Variants in TTN observed in about 807,000 individuals in gnomAD.
TTN encodes titin, also known as connectin.
Under a neutral mutation model 3,223.0 loss-of-function variants are expected in TTN, and 1,525 were observed. The observed-to-expected ratio is 0.47, with a 90% confidence interval of 0.45 to 0.49. The LOEUF (loss-of-function observed/expected upper bound fraction) is 0.49. Ranked by LOEUF, TTN falls within the 20% of genes least tolerant of loss-of-function variation. The probability of loss-of-function intolerance (pLI) is 0.00; values close to 1 mark genes in which losing one functional copy is unlikely to be tolerated. For missense variants in TTN, 40,786 were observed against 43,424.0 expected (o/e 0.94, Z 5.40); for synonymous variants, 14,094 against 15,161.0 (o/e 0.93, Z 5.17).
At chr2:178,618,120 G>A (rs2057681828) in intron 252 of TTN, 39 bp from the exon 253 acceptor site, 47 of 1,610,378 alleles carry the variant, frequency 2.9e-5, no homozygotes, top group Non-Finnish European at 3.8e-5. Flanking sequence ...TGAGTTTGGG[G>A]TAACGATGAT....
chr2:178,722,569 T>C (rs1385050371), intron 76 of TTN, 23 bp from the exon 77 acceptor site: 1 of 1,601,366 alleles, frequency 6.2e-7, no homozygotes, highest in Non-Finnish European at 8.5e-7. Context: ...ATGTAATACT[T>C]AAGGTGTTAG....
rs538363206 is a variant in TTN, at chr2:178,531,148, G to A, written c.105467C>T (p.Pro35156Leu). ...ARFSCDTDGE[P>L]VPTVTWLRKG... ...ACGCAGCCAGGTCACAGTTGGTACC[G>A]GCTCACCATCGGTGTCACAAGAAAA... is the stretch of plus-strand genomic sequence containing the variant. The change falls in exon 358 of 363, where the codon CCG (proline) becomes CTG (leucine). Residue 35156 changes from proline to leucine, a missense_variant. Transcript: ENST00000589042. The A allele has an allele frequency of 8.7e-6, 14 of 1,613,934 alleles. No individual in the cohort carries two copies. Among genetic ancestry groups the A allele is most frequent in the South Asian group, 4.4e-5 (4 of 91,082 alleles).
At chr2:178,618,135 GC>G in intron 252 of TTN, 53 bp downstream of exon 252, 1 of 1,609,994 alleles carries the variant, frequency 6.2e-7, no homozygotes, top group Non-Finnish European at 8.5e-7. Context: ...GATGATGAAG[GC>G]AAAGACTGCA....
chr2:178,562,822 A>G lies in TTN; in HGVS notation c.83310T>C (p.Pro27770=). 3 of 1,612,988 alleles carry G rather than the reference A, an allele frequency of 1.9e-6. No homozygotes were observed. The highest frequency in any genetic ancestry group is 1.7e-6 in the Non-Finnish European group (2 of 1,179,488). ...TCACTTCTCTTATGGTCAAATTCAC[A>G]GGGGCACTTGGTGAGTCAAGAACTC... ...NVRVLDSPSA[P]VNLTIREVKK... Residue 27770 remains proline (P), a synonymous_variant, in exon 326 of 363, where the codon CCT becomes CCC. Coordinates refer to ENST00000589042, the MANE Select transcript of TTN (RefSeq NM_001267550.2).
intron 233 of TTN, 27 bp from the exon 234 acceptor site, chr2:178,633,071 A>G (rs1353916462): frequency 1.9e-6 from 3 of 1,607,336 alleles, no homozygotes; most frequent in Non-Finnish European, 2.5e-6. Context: ...TTAGAAGGAA[A>G]GAAAGAACAT....
At position 178,532,979 on chromosome 2, in the gene TTN, G is replaced by A. The variant is rs777626473; in HGVS notation, c.103636C>T (p.Arg34546Cys). ...TCTATGGTAGTCTGCTTATACTTGC[G>A]TGGCTCTGGTACATCATAAGGCATC... ...LRMPYDVPEP[R>C]KYKQTTIEED... Residue 34546 changes from arginine (R) to cysteine (C), a missense_variant, in exon 358 of 363, where the codon CGC (arginine) becomes TGC (cysteine). By Grantham distance (180) the Arg-to-Cys change is radical. Coordinates refer to ENST00000589042, the MANE Select transcript of TTN (RefSeq NM_001267550.2). 7.4e-5 allele frequency: 119 copies of A among 1,613,670 alleles called. No homozygotes were observed. Among genetic ancestry groups the A allele is most frequent in the Non-Finnish European group, 8.6e-5 (102 of 1,179,852 alleles).
chr2:178,543,941 G>A lies in TTN; in HGVS notation c.96203C>T (p.Ser32068Leu). ...ATTAACTTTGTCCACTATTAGCAAT[G>A]AGTAGCTCTCAGTGGTGTCAATAAT... ...RAIIDTTESY[S>L]LLIVDKVNRY... The change falls in exon 346 of 363, where the codon TCA becomes TTA. Residue 32068 changes from serine to leucine, a missense_variant. Physicochemically the swap from Ser to Leu is moderately radical, Grantham distance 145 (BLOSUM62 -2). Coordinates refer to ENST00000589042, the MANE Select transcript of TTN (RefSeq NM_001267550.2). 1 of 1,613,688 alleles carries A rather than the reference G, an allele frequency of 6.2e-7. No individual in the cohort carries two copies. Among genetic ancestry groups the A allele is most frequent in the African/African-American group, 1.3e-5 (1 of 75,006 alleles).
At chr2:178,804,508 G>C (rs773132873) in intron 2 of TTN, 44 bp downstream of exon 2, 1 of 1,585,922 alleles carries the variant, frequency 6.3e-7, no homozygotes, top group South Asian at 1.1e-5. Context: ...TACTGGAGAG[G>C]AGGCAAAGGA....
chr2:178,589,692 G>A lies in TTN; in HGVS notation c.62033C>T (p.Ala20678Val). 1 of 1,613,494 alleles carries A rather than the reference G, an allele frequency of 6.2e-7. No homozygotes were observed. The highest frequency in any genetic ancestry group is 8.5e-7 in the Non-Finnish European group (1 of 1,179,600). ...RPGEPENLHIADKGKTFVYLK... is the reference protein window; with the variant it reads ...RPGEPENLHIVDKGKTFVYLK... ...ATAGACAAATGTCTTTCCTTTATCT[G>A]CAATGTGAAGGTTTTCAGGCTCACC... is the stretch of plus-strand genomic sequence containing the variant. The change falls in exon 304 of 363, where the codon GCA (alanine) becomes GTA (valine). Residue 20678 changes from alanine to valine, a missense_variant. By Grantham distance (64) the Ala-to-Val change is moderately conservative. Coordinates refer to ENST00000589042, the MANE Select transcript of TTN (RefSeq NM_001267550.2).
rs769428404 is a variant in TTN at position 178,750,195 on chromosome 2, C to A, written c.11311+2929G>T. 4 of 1,613,106 alleles carry A rather than the reference C, an allele frequency of 2.5e-6. No homozygotes were observed. The South Asian group carries it at 4.4e-5, about 18-fold the overall frequency. On this transcript the variant is annotated intron_variant, in intron 47 of 362. Transcript: ENST00000589042. The stretch of plus-strand genomic sequence containing the variant: ...CCCTCTTGACTCATAGATGGATGGG[C>A]GCCTTTTGCTTGGTCAAACACCAAT...
chr2:178,713,611 A>T lies in TTN; in HGVS notation c.26762-239T>A, dbSNP rs187467386. On this transcript the variant is annotated intron_variant, in intron 92 of 362. Transcript: ENST00000589042. ...TTTTGTTCTCTCTTTGCCGTGAAGA[A>T]TTATGTGGTGAATTATTTCAGCATA... is the stretch of plus-strand genomic sequence containing the variant. 9.9e-5 allele frequency: 69 copies of T among 697,558 alleles called. 1 individual carries two copies. The East Asian group carries it at 1.2e-3, about 12-fold the overall frequency. 43.2% of individuals were successfully genotyped at this position (697,558 alleles called of 1,614,324 possible). A position where few individuals can be genotyped will look rare whatever the true frequency, so the allele number is the denominator to read the frequency against.
At chr2:178,677,375 G>A in intron 146 of TTN, 88 bp from the exon 147 acceptor site, 1 of 495,746 alleles carries the variant, frequency 2.0e-6, no homozygotes, top group Non-Finnish European at 2.7e-6. Context: ...AGAGACACGT[G>A]AGGATAAGAC....
chr2:178,673,596 G>A (rs1475639561), intron 152 of TTN, 37 bp downstream of exon 152: 15 of 1,455,742 alleles, frequency 1.0e-5, no homozygotes, highest in Non-Finnish European at 1.4e-5. Context: ...AAAATTAATG[G>A]GAAGTTAAAG....
rs878854372 is a variant in TTN, at chr2:178,527,120, CA to C, written c.107867del (p.Leu35956ArgfsTer16). ...CTTGTTTCTGTACGTCCATGATGATCAGGGTTGTCAGGTCATCTGTGTTTTC... is the reference window on the plus strand; with the variant it reads ...CTTGTTTCTGTACGTCCATGATGATCGGGTTGTCAGGTCATCTGTGTTTTC... Reference protein sequence around the residue: ...HIENTDDLTTLIIMDVQKQDG... With the variant: ...HIENTDDLTTXIIMDVQKQDG... On this transcript the variant is annotated frameshift_variant, in exon 363 of 363. Transcript: ENST00000589042. LOFTEE classifies it high-confidence loss of function. The C allele has an allele frequency of 2.5e-6, 4 of 1,613,940 alleles. No individual in the cohort carries two copies. The highest frequency in any genetic ancestry group is 3.4e-6 in the Non-Finnish European group (4 of 1,179,870).
chr2:178,598,137 C>G (rs2052262490), intron 292 of TTN, 79 bp from the exon 293 acceptor site: 1 of 1,467,402 alleles, frequency 6.8e-7, no homozygotes, highest in Admixed American at 2.0e-5. Context: ...TAAAGCATCA[C>G]CAGCAGCCTA....
intron 114 of TTN, 26 bp from the exon 115 acceptor site, chr2:178,695,436 AG>A (rs2073488128): frequency 6.3e-7 from 1 of 1,592,878 alleles, no homozygotes; most frequent in South Asian, 1.1e-5. Context: ...AGGAATAAGA[AG>A]GGATGCTTAA....
rs753625137 is a variant in TTN at position 178,630,387 on chromosome 2, A to G, written c.44155-20T>C. 7.0e-6 allele frequency: 11 copies of G among 1,581,636 alleles called. No homozygotes were observed. The South Asian group carries it at 7.1e-5, about 10-fold the overall frequency. On this transcript the variant is annotated intron_variant, in intron 238 of 362. Coordinates refer to ENST00000589042, the MANE Select transcript of TTN (RefSeq NM_001267550.2). The stretch of plus-strand genomic sequence containing the variant: ...ACAATCCTGTACCAACAAAACAGAA[A>G]AACTTTCATAGAAAATAATTTTCTT...
At position 178,790,727 on chromosome 2, in the gene TTN, A is replaced by T; in HGVS notation, c.1781T>A (p.Met594Lys). The part of the protein sequence containing the change: ...QEETTTQQDQ[M>K]HLSYEKIMKE... ...CATCACCTTTTCATAACTTAGGTGC[A>T]TTTGATCTTGTTGTGTGGTAGTTTC... Residue 594 changes from methionine (M) to lysine (K), a missense_variant, in exon 11 of 363, where the codon ATG (methionine) becomes AAG (lysine). Coordinates refer to ENST00000589042, the MANE Select transcript of TTN (RefSeq NM_001267550.2). 1 of 1,614,160 alleles carries T rather than the reference A, an allele frequency of 6.2e-7. No individual in the cohort carries two copies. Among genetic ancestry groups the T allele is most frequent in the Non-Finnish European group, 8.5e-7 (1 of 1,180,004 alleles).
chr2:178,718,419 T>C lies in TTN; in HGVS notation c.24687A>G (p.Glu8229=), dbSNP rs761867872. ...ITMTEKSTIL[E]ILESTIEDYA... The stretch of plus-strand genomic sequence containing the variant: ...AATCCTCTATTGTGCTCTCAAGAAT[T>C]TCCAGTATGGTAGATTTTTCTGTCA... The change falls in exon 85 of 363, where the codon GAA becomes GAG. Residue 8229 remains glutamate, a synonymous_variant. Coordinates refer to ENST00000589042, the MANE Select transcript of TTN (RefSeq NM_001267550.2). 1.9e-6 allele frequency: 3 copies of C among 1,613,796 alleles called. No individual in the cohort carries two copies. Among genetic ancestry groups the C allele is most frequent in the Non-Finnish European group, 2.5e-6 (3 of 1,179,752 alleles).
Sources: allele counts gnomAD v4.1 joint callset, GRCh38; gene constraint gnomAD v4.1.1; transcripts MANE v1.5; gene names NCBI Gene and HGNC (gene_info 2026-07-23, HGNC 2026-07-21).